MBD3L1: variants seen among roughly 807,000 people sequenced by gnomAD.
The protein encoded by MBD3L1 is methyl-CpG binding domain protein 3 like 1.
For synonymous variants in MBD3L1, 84 were observed against 85.1 expected (o/e 0.99, Z 0.07); for missense variants, 203 against 230.1 (o/e 0.88, Z 0.76).
chr19:8,832,809 G>A (rs2044395204), intron 1 of MBD3L1, among the ~76,000 whole-genome samples: 1 of 152,016 alleles, frequency 6.6e-6, no homozygotes, highest in Non-Finnish European at 1.5e-5. Flanking sequence ...GCGGGGCTGA[G>A]CGGGAACCAG....
chr19:8,834,638 C>CAA (rs778953517), intron 1 of MBD3L1, among the ~76,000 whole-genome samples: 2 of 129,816 alleles, frequency 1.5e-5, no homozygotes, highest in African/African-American at 5.7e-5. Flanking sequence ...CAAAAAAAAA[C>CAA]AAAAAAAAAA....
intron 2 of MBD3L1, 118 bp downstream of exon 2, chr19:8,841,117 C>G (rs1008767079): frequency 6.6e-6 from 1 of 151,742 alleles, no homozygotes; most frequent in Non-Finnish European, 1.5e-5. Flanking sequence ...ACCTCCACCT[C>G]CTGGGTTCAA....
At chr19:8,841,074 T>C (rs886702916) in intron 2 of MBD3L1, 75 bp downstream of exon 2, 2 of 151,394 alleles carry the variant, frequency 1.3e-5, no homozygotes, top group African/African-American at 4.8e-5. Context: ...TTGCTCAGGC[T>C]GGAGTGCAAT....
At chr19:8,835,765 G>C (rs774512861) in intron 1 of MBD3L1, among the ~76,000 whole-genome samples, 4 of 152,274 alleles carry the variant, frequency 2.6e-5, no homozygotes, top group Non-Finnish European at 5.9e-5. Flanking sequence ...CCAAAATTTT[G>C]TATGTCCCAA....
intron 1 of MBD3L1, among the ~76,000 whole-genome samples, chr19:8,835,296 C>T (rs991038369): frequency 6.6e-6 from 1 of 152,110 alleles, no homozygotes; most frequent in Non-Finnish European, 1.5e-5. Flanking sequence ...AAGTGATCTG[C>T]CCACCTTGGC....
At chr19:8,838,251 T>C (rs1443080969) in intron 1 of MBD3L1, among the ~76,000 whole-genome samples, 1 of 5,706 alleles carries the variant, frequency 1.8e-4, no homozygotes, top group African/African-American at 5.8e-4. Flanking sequence ...AGACTCCATC[T>C]CAAAAAAAAA....
At position 8,842,903 on chromosome 19, in the gene MBD3L1, GGCTTACAGCAGT is replaced by G. The variant is rs1281552205; in HGVS notation, c.228_239del (p.Tyr77_Ala80del). ...GGCAGAGGAGACTGCAGGGACTCCA[GGCTTACAGCAGT>G]GCAGGAGAACTTTCAAGCACTTTGG... On this transcript the variant is annotated inframe_deletion, in exon 3 of 3. Coordinates refer to ENST00000595891, the MANE Select transcript of MBD3L1 (RefSeq NM_001393532.1). 2 of 1,614,222 alleles carry G rather than the reference GGCTTACAGCAGT, an allele frequency of 1.2e-6. No individual in the cohort carries two copies. The highest frequency in any genetic ancestry group is 1.7e-6 in the Non-Finnish European group (2 of 1,180,044).
intron 2 of MBD3L1, among the ~76,000 whole-genome samples, chr19:8,841,906 G>C (rs1346577760): frequency 1.3e-5 from 2 of 152,112 alleles, no homozygotes; most frequent in East Asian, 3.9e-4. Context: ...AAAATGTCTG[G>C]GGTGTGGGAT....
At chr19:8,839,324 C>T (rs2044487837) in intron 1 of MBD3L1, among the ~76,000 whole-genome samples, 1 of 151,580 alleles carries the variant, frequency 6.6e-6, no homozygotes, top group South Asian at 2.1e-4. Context: ...AGCTGGGATA[C>T]AGGTGTGTGC....
rs2969292 is a variant in MBD3L1, at chr19:8,843,125, T to C, written c.447T>C (p.Val149=). The C allele has an allele frequency of 0.92, 1,492,144 of 1,613,308 alleles. 690,269 individuals are homozygous for C. The highest frequency in any genetic ancestry group is 0.95 in the Middle Eastern group (5,772 of 6,062). ...AGCTCCTCTGCAAACAATTTCTGGT[T>C]ACTGAGGAAGATATCAGGAAACAGG... is the stretch of plus-strand genomic sequence containing the variant. ...ISQLLCKQFL[V]TEEDIRKQEG... is the part of the protein sequence containing the mutation. Residue 149 remains valine (V), a synonymous_variant, in exon 3 of 3, where the codon GTT becomes GTC. Transcript: ENST00000595891.
intron 2 of MBD3L1, 151 bp from the exon 3 acceptor site, chr19:8,842,507 C>T: frequency 1.7e-6 from 1 of 595,048 alleles, no homozygotes; most frequent in East Asian, 2.8e-5. Context: ...GTGCTTGACT[C>T]AAATCTGCCT....
intron 1 of MBD3L1, among the ~76,000 whole-genome samples, chr19:8,840,712 A>G (rs2044503419): frequency 6.6e-6 from 1 of 152,260 alleles, no homozygotes; most frequent in Non-Finnish European, 1.5e-5. Flanking sequence ...AGGTAAGTTA[A>G]GGAGAATTAA....
intron 1 of MBD3L1, among the ~76,000 whole-genome samples, chr19:8,837,560 G>A (rs1466911444): frequency 2.0e-5 from 3 of 152,140 alleles, no homozygotes; most frequent in African/African-American, 7.2e-5. Flanking sequence ...GAATGGGGGT[G>A]GCTAGAAACT....
chr19:8,834,665 CAA>C (rs1292240700), intron 1 of MBD3L1, among the ~76,000 whole-genome samples: 1 of 132,512 alleles, frequency 7.5e-6, no homozygotes, highest in Non-Finnish European at 1.7e-5. Flanking sequence ...AACCAAGAAA[CAA>C]ACAAAAAACA....
chr19:8,837,052 T>C (rs892118069), intron 1 of MBD3L1, among the ~76,000 whole-genome samples: 8 of 152,256 alleles, frequency 5.3e-5, no homozygotes, highest in Non-Finnish European at 8.8e-5. Context: ...AATGGCATTA[T>C]GTTTGTGCCT....
At chr19:8,833,245 C>T (rs551954300) in intron 1 of MBD3L1, 2 of 152,174 alleles carry the variant, frequency 1.3e-5, no homozygotes. Flanking sequence ...CCAATAGGAT[C>T]AGATTATGTA....
intron 1 of MBD3L1, among the ~76,000 whole-genome samples, chr19:8,838,036 C>G (rs1461678418): frequency 6.6e-6 from 1 of 151,732 alleles, no homozygotes; most frequent in Non-Finnish European, 1.5e-5. Flanking sequence ...ATCATGACAT[C>G]AAGAGATTGA....
chr19:8,837,657 C>T (rs1599309722), intron 1 of MBD3L1, among the ~76,000 whole-genome samples: 1 of 152,250 alleles, frequency 6.6e-6, no homozygotes, highest in South Asian at 2.1e-4. Context: ...TCACACTGGC[C>T]TCATGGACAA....
At chr19:8,836,779 C>T (rs2044460632) in intron 1 of MBD3L1, among the ~76,000 whole-genome samples, 1 of 152,174 alleles carries the variant, frequency 6.6e-6, no homozygotes, top group South Asian at 2.1e-4. Context: ...GGCATGACCC[C>T]ATCGTATCCA....
Sources: gnomAD v4.1 joint callset for allele counts (sites outside exome capture counted in the v4.1 genomes callset) on GRCh38, gnomAD v4.1.1 for gene constraint, MANE v1.5 for transcripts, NCBI Gene and HGNC (gene_info 2026-07-23, HGNC 2026-07-21) for gene names.